LSMEM1: variants seen among roughly 807,000 people sequenced by gnomAD.
LSMEM1 encodes the protein leucine rich single-pass membrane protein 1, also known as leucine-rich single-pass membrane protein 1.
A neutral mutation model predicts 11.3 loss-of-function variants in LSMEM1; 10 were observed. The ratio of observed to expected loss-of-function variants is 0.89; its 90% confidence interval spans 0.55 to 1.50. The LOEUF is 1.50. Ranked by LOEUF, LSMEM1 falls within the 40% of genes most tolerant of loss-of-function variation. The pLI is 0.00. For missense variants in LSMEM1, 151 were observed against 152.9 expected, an observed-to-expected ratio of 0.99 and a Z score of 0.06; for synonymous variants, 65 against 59.3, an observed-to-expected ratio of 1.10 and a Z score of -0.44.
chr7:112,489,855 C>G lies in LSMEM1; in HGVS notation c.302C>G (p.Ala101Gly), dbSNP rs779891622. ...KMDDVSRRLT[A>G]EGKDIDDLKR... ...GATGATGTGTCAAGAAGACTAACAG[C>G]TGAAGGAAAAGACATAGATGATCTT... Residue 101 changes from alanine (A) to glycine (G), a missense_variant, in exon 4 of 4, where the codon GCT becomes GGT. Transcript: ENST00000312849. 2 of 1,613,808 alleles carry G rather than the reference C, an allele frequency of 1.2e-6. No homozygotes were observed. Among genetic ancestry groups the G allele is most frequent in the South Asian group, 2.2e-5 (2 of 91,040 alleles).
chr7:112,486,775 C>CAA, intron 2 of LSMEM1, 148 bp from the exon 3 acceptor site: 2 of 1,095,150 alleles, frequency 1.8e-6, no homozygotes, highest in Non-Finnish European at 2.5e-6. Flanking sequence ...GACTCTGTCT[C>CAA]AAAAAAAAAG....
In LSMEM1 at chr7:112,484,946, A is replaced by C; in HGVS notation, c.127+3A>C. On this transcript the variant is annotated splice_donor_region_variant and intron_variant, in intron 2 of 3. Coordinates refer to ENST00000312849, the MANE Select transcript of LSMEM1 (RefSeq NM_182597.3). ...AGCCGGATCGCAGCATCTGTTCCGT[A>C]TGTGTGCTGGGGAAGGCACAGCAGC... 6.3e-7 allele frequency: 1 copy of C among 1,577,210 alleles called. No individual in the cohort carries two copies. Among genetic ancestry groups the C allele is most frequent in the Non-Finnish European group, 8.6e-7 (1 of 1,157,126 alleles).
At chr7:112,489,688 G>C in intron 3 of LSMEM1, 122 bp from the exon 4 acceptor site, 1 of 1,117,888 alleles carries the variant, frequency 8.9e-7, no homozygotes, top group Non-Finnish European at 1.3e-6. Context: ...GCATGGATAT[G>C]GGAACAGGGG....
upstream of LSMEM1, among the ~76,000 whole-genome samples, chr7:112,480,426 T>C (rs1229382159): frequency 6.6e-6 from 1 of 152,170 alleles, no homozygotes; most frequent in African/African-American, 2.4e-5. Context: ...GTTTCAAAGA[T>C]GAATAATGTC....
At chr7:112,486,596 G>A (rs1210701186) in intron 2 of LSMEM1, among the ~76,000 whole-genome samples, 1 of 152,188 alleles carries the variant, frequency 6.6e-6, no homozygotes. Context: ...ATATCATGGT[G>A]AAACCCCATC....
chr7:112,485,281 G>A (rs1254884268), intron 2 of LSMEM1, among the ~76,000 whole-genome samples: 2 of 152,102 alleles, frequency 1.3e-5, no homozygotes, highest in African/African-American at 4.8e-5. Context: ...CTAGGTTACC[G>A]ATGGGGACCA....
intron 2 of LSMEM1, among the ~76,000 whole-genome samples, chr7:112,485,285 G>A (rs1796107782): frequency 6.6e-6 from 1 of 152,102 alleles, no homozygotes. Flanking sequence ...GTTACCGATG[G>A]GGACCACTTC....
intron 3 of LSMEM1, among the ~76,000 whole-genome samples, chr7:112,489,522 A>G (rs897858393): frequency 6.6e-6 from 1 of 152,230 alleles, no homozygotes; most frequent in African/African-American, 2.4e-5. Context: ...AAACATGCTG[A>G]CAGCTTCCTT....
intron 1 of LSMEM1, among the ~76,000 whole-genome samples, chr7:112,482,929 CT>C (rs1563278224): frequency 6.6e-6 from 1 of 152,064 alleles, no homozygotes; most frequent in South Asian, 2.1e-4. Flanking sequence ...GTGAAACACA[CT>C]TTTTTAGTTT....
intron 3 of LSMEM1, 116 bp from the exon 4 acceptor site, chr7:112,489,694 A>G: frequency 8.4e-7 from 1 of 1,191,998 alleles, no homozygotes; most frequent in Non-Finnish European, 1.2e-6. Flanking sequence ...ATATGGGAAC[A>G]GGGGATTTGC....
At chr7:112,489,194 C>T (rs1161513214) in intron 3 of LSMEM1, among the ~76,000 whole-genome samples, 1 of 152,154 alleles carries the variant, frequency 6.6e-6, no homozygotes, top group African/African-American at 2.4e-5. Flanking sequence ...GTGTTAGATA[C>T]ATTAAGTTTA....
intron 2 of LSMEM1, among the ~76,000 whole-genome samples, chr7:112,485,404 G>A (rs1398488498): frequency 6.6e-6 from 1 of 152,056 alleles, no homozygotes; most frequent in Non-Finnish European, 1.5e-5. Flanking sequence ...AAGGGGGTGG[G>A]GGGAGCAAAA....
chr7:112,482,194 A>G (rs1279909612), intron 1 of LSMEM1, among the ~76,000 whole-genome samples: 1 of 152,178 alleles, frequency 6.6e-6, no homozygotes, highest in African/African-American at 2.4e-5. Flanking sequence ...ATATTGGAAT[A>G]GCATATATTT....
intron 3 of LSMEM1, among the ~76,000 whole-genome samples, chr7:112,488,977 TAATAAGTGCCAA>T (rs1267555875): frequency 6.6e-6 from 1 of 152,254 alleles, no homozygotes; most frequent in Non-Finnish European, 1.5e-5. Flanking sequence ...GTCACGTTGC[TAATAAGTGCCAA>T]AATGGGGCTC....
intron 1 of LSMEM1, among the ~76,000 whole-genome samples, chr7:112,482,339 G>A (rs898354535): frequency 1.3e-5 from 2 of 152,156 alleles, no homozygotes; most frequent in East Asian, 3.9e-4. Context: ...TTTATTAGCT[G>A]TACTCTTAAA....
intron 3 of LSMEM1, among the ~76,000 whole-genome samples, chr7:112,488,408 A>G (rs1051360064): frequency 6.6e-6 from 1 of 152,160 alleles, no homozygotes; most frequent in Non-Finnish European, 1.5e-5. Flanking sequence ...AATTTTAGGT[A>G]TGTCTACAGA....
At chr7:112,489,601 C>T (rs186904332) in intron 3 of LSMEM1, among the ~76,000 whole-genome samples, 1 of 152,290 alleles carries the variant, frequency 6.6e-6, no homozygotes, top group Non-Finnish European at 1.5e-5. Context: ...TCTAGGTTGG[C>T]ACCAAGAGAT....
At position 112,482,017 on chromosome 7, in the gene LSMEM1, C is replaced by T. The variant is rs141101560; in HGVS notation, c.-6+671C>T. Among the ~76,000 whole-genome samples, 261 of 152,340 alleles carry T rather than the reference C, an allele frequency of 1.7e-3. 3 individuals carry two copies. The East Asian group carries it at 0.025, about 15-fold the overall frequency. On this transcript the variant is annotated intron_variant, in intron 1 of 3. Transcript: ENST00000312849. ...TAGCAACTACTGGGTGTCAAACAGC[C>T]GTGGGGCCTGGTTTTAAGGCCATGT...
rs912096982 is a variant in LSMEM1, at chr7:112,488,176, C to T, written c.256+1125C>T. On this transcript the variant is annotated intron_variant, in intron 3 of 3. Coordinates refer to ENST00000312849, the MANE Select transcript of LSMEM1 (RefSeq NM_182597.3). ...GTTTAATTGCTTCTCTTGCACCGGG[C>T]TGATGACCTTTTGCATTTAGAAGCT... Among the ~76,000 whole-genome samples, 5 of 152,186 alleles carry T rather than the reference C, an allele frequency of 3.3e-5. No individual in the cohort carries two copies. The East Asian group carries it at 7.7e-4, about 23-fold the overall frequency.
Sources: gnomAD v4.1 joint callset for allele counts (sites outside exome capture counted in the v4.1 genomes callset) on GRCh38, gnomAD v4.1.1 for gene constraint, MANE v1.5 for transcripts, NCBI Gene and HGNC (gene_info 2026-07-23, HGNC 2026-07-21) for gene names.